Variants in GKN2 observed in about 807,000 individuals in gnomAD.
GKN2 encodes the protein gastrokine-2.
A neutral mutation model predicts 22.7 loss-of-function variants in GKN2; 17 were observed. The ratio of observed to expected loss-of-function variants is 0.75; its 90% confidence interval spans 0.51 to 1.13. The LOEUF (loss-of-function observed/expected upper bound fraction) is 1.13. Among genes scored for constraint, GKN2 ranks in the 50% most tolerant of loss-of-function variants. The pLI is 0.00. For missense variants in GKN2, 248 were observed against 221.4 expected (o/e 1.12, Z -0.76); for synonymous variants, 82 against 79.6 (o/e 1.03, Z -0.16).
intron 5 of GKN2, 91 bp from the exon 6 acceptor site, chr2:68,945,541 G>T: frequency 2.0e-6 from 2 of 1,003,918 alleles, no homozygotes; most frequent in South Asian, 1.6e-5. Flanking sequence ...AAATAAAACT[G>T]ACAACTTTTG....
intron 4 of GKN2, 110 bp from the exon 5 acceptor site, chr2:68,946,570 C>T (rs983610217): frequency 1.2e-6 from 1 of 863,746 alleles, no homozygotes; most frequent in Admixed American, 2.9e-5. Context: ...ATAGAAAGAA[C>T]TTAGGGATCT....
chr2:68,946,200 T>C (rs1669761872), intron 5 of GKN2, 104 bp downstream of exon 5: 1 of 969,114 alleles, frequency 1.0e-6, no homozygotes, highest in Non-Finnish European at 1.5e-6. Context: ...CTGAACTGAG[T>C]ACTGTTCCCA....
In GKN2 at chr2:68,945,439, C is replaced by T. The variant is rs759993781; in HGVS notation, c.484G>A (p.Ala162Thr). The change falls in exon 6 of 6, where the codon GCT becomes ACT. Residue 162 changes from alanine (A) to threonine (T), a missense_variant. Coordinates refer to ENST00000328895, the MANE Select transcript of GKN2 (RefSeq NM_182536.3). The stretch of plus-strand genomic sequence containing the variant: ...AGCCCAGCCTTTGCACAGCCTCCAG[C>T]ACCGACATTATCTGGAAAAGGGAAA... ...EVVENTHNVG[A>T]GGCAKAGLLG... 3 of 1,608,672 alleles carry T rather than the reference C, an allele frequency of 1.9e-6. No individual in the cohort carries two copies. The highest frequency in any genetic ancestry group is 2.2e-5 in the South Asian group (2 of 89,816).
chr2:68,950,014 A>C (rs545207836), intron 3 of GKN2, 112 bp downstream of exon 3: 1 of 804,728 alleles, frequency 1.2e-6, no homozygotes, highest in East Asian at 3.0e-5. Context: ...ATTCTTAAAG[A>C]ATTGCAAGGT....
At chr2:68,950,389 G>T (rs1352536272) in intron 2 of GKN2, 126 bp from the exon 3 acceptor site, 6 of 893,678 alleles carry the variant, frequency 6.7e-6, no homozygotes, top group Non-Finnish European at 1.0e-5. Context: ...TGTCCACTGG[G>T]GTCCCAATCC....
chr2:68,945,651 T>G (rs947455214), intron 5 of GKN2: 1 of 451,650 alleles, frequency 2.2e-6, no homozygotes, highest in Non-Finnish European at 4.0e-6. Flanking sequence ...CTTAAAATTT[T>G]TTTCTGGGCA....
intron 5 of GKN2, 139 bp downstream of exon 5, chr2:68,946,165 G>C (rs117733900): frequency 1.6e-6 from 1 of 633,984 alleles, no homozygotes; most frequent in Non-Finnish European, 2.6e-6. Context: ...TACACACATG[G>C]CATGTAATTA....
At chr2:68,952,451 T>C (rs1227104570) in intron 1 of GKN2, among the ~76,000 whole-genome samples, 2 of 152,176 alleles carry the variant, frequency 1.3e-5, no homozygotes, top group Non-Finnish European at 2.9e-5. Context: ...TAGTATGCAT[T>C]TGAGAAATGA....
intron 3 of GKN2, among the ~76,000 whole-genome samples, chr2:68,949,430 A>T (rs1007455251): frequency 2.2e-4 from 34 of 151,388 alleles, no homozygotes; most frequent in African/African-American, 6.3e-4. Flanking sequence ...TTATTTATTT[A>T]TTTTTTTGAG....
intron 4 of GKN2, among the ~76,000 whole-genome samples, 172 bp from the exon 5 acceptor site, chr2:68,946,632 A>G (rs1669770024): frequency 6.6e-6 from 1 of 152,200 alleles, no homozygotes; most frequent in African/African-American, 2.4e-5. Context: ...CCTCATTAGT[A>G]ATTACCAGTG....
chr2:68,950,390 G>T, intron 2 of GKN2, 127 bp from the exon 3 acceptor site: 1 of 880,368 alleles, frequency 1.1e-6, no homozygotes, highest in Non-Finnish European at 1.7e-6. Context: ...GTCCACTGGG[G>T]TCCCAATCCA....
intron 1 of GKN2, among the ~76,000 whole-genome samples, 173 bp downstream of exon 1, chr2:68,952,677 A>G (rs1352469354): frequency 6.6e-6 from 1 of 152,238 alleles, no homozygotes; most frequent in East Asian, 1.9e-4. Flanking sequence ...GGACAAAAAA[A>G]GTCAGACTTA....
At chr2:68,950,497 C>T (rs1159545690) in intron 2 of GKN2, among the ~76,000 whole-genome samples, 1 of 152,138 alleles carries the variant, frequency 6.6e-6, no homozygotes, top group Non-Finnish European at 1.5e-5. Context: ...ATGAGACTGA[C>T]CACATTTTAA....
intron 5 of GKN2, chr2:68,946,092 C>T: frequency 4.4e-6 from 2 of 452,574 alleles, no homozygotes; most frequent in Non-Finnish European, 7.7e-6. Flanking sequence ...AGCTTCTTCA[C>T]TAGACTATGT....
chr2:68,951,572 G>A (rs1669856823), intron 1 of GKN2, among the ~76,000 whole-genome samples: 1 of 152,140 alleles, frequency 6.6e-6, no homozygotes, highest in Non-Finnish European at 1.5e-5. Flanking sequence ...TGGGGAAGGG[G>A]GATATTTTTA....
chr2:68,946,405 T>C lies in GKN2; in HGVS notation c.371A>G (p.Glu124Gly). Residue 124 changes from glutamate (E) to glycine (G), a missense_variant, in exon 5 of 6, where the codon GAG (glutamate) becomes GGG (glycine). Glu to Gly is a moderately conservative substitution (Grantham distance 98). Transcript: ENST00000328895. ...KYTWVKYNPL[E>G]SLIKDVDWFL... ...CCAATCCACGTCTTTGATCAGAGAC[T>C]CCAGAGGGTTGTACTTGACCCAGGT... 6.2e-7 allele frequency: 1 copy of C among 1,613,838 alleles called. No homozygotes were observed. The highest frequency in any genetic ancestry group is 8.5e-7 in the Non-Finnish European group (1 of 1,179,858).
chr2:68,950,791 G>A (rs189673070), intron 1 of GKN2, 36 bp from the exon 2 acceptor site: 423 of 1,606,218 alleles, frequency 2.6e-4, no homozygotes, highest in Non-Finnish European at 3.2e-4. Context: ...TTCTTTATAG[G>A]GTAGTCATTG....
intron 1 of GKN2, among the ~76,000 whole-genome samples, chr2:68,951,395 A>G (rs893351284): frequency 2.0e-5 from 3 of 152,226 alleles, no homozygotes; most frequent in African/African-American, 7.2e-5. Context: ...GCTGACATTG[A>G]AGCAGTTCTG....
At chr2:68,946,838 C>T (rs1335737849) in intron 4 of GKN2, among the ~76,000 whole-genome samples, 2 of 152,098 alleles carry the variant, frequency 1.3e-5, no homozygotes, top group Non-Finnish European at 2.9e-5. Context: ...TATTATTGTT[C>T]CAGTCACCAT....
Sources: gnomAD v4.1 joint callset for allele counts (sites outside exome capture counted in the v4.1 genomes callset) on GRCh38, gnomAD v4.1.1 for gene constraint, MANE v1.5 for transcripts, NCBI Gene and HGNC (gene_info 2026-07-23, HGNC 2026-07-21) for gene names.